LANCL2: variants seen among roughly 807,000 people sequenced by gnomAD.
LANCL2 encodes lanC-like protein 2.
In LANCL2, 33 loss-of-function variants were observed where a neutral mutation model predicts 56.9. That is an observed-to-expected ratio of 0.58 (90% CI 0.44 to 0.78). The LOEUF is 0.78. LANCL2 is among the 30% of genes least tolerant of loss of function. The pLI is 0.00. For synonymous variants in LANCL2, 233 were observed against 228.2 expected, an observed-to-expected ratio of 1.02 and a Z score of -0.19; for missense variants, 562 against 580.2, an observed-to-expected ratio of 0.97 and a Z score of 0.32.
chr7:55,423,836 C>T (rs1294526864), intron 6 of LANCL2, among the ~76,000 whole-genome samples: 1 of 152,246 alleles, frequency 6.6e-6, no homozygotes, highest in Non-Finnish European at 1.5e-5. Context: ...GAGCCCACAT[C>T]TTAGCAGCCT....
intron 1 of LANCL2, among the ~76,000 whole-genome samples, chr7:55,367,845 C>T (rs1489842257): frequency 6.6e-6 from 1 of 152,152 alleles, no homozygotes; most frequent in Non-Finnish European, 1.5e-5. Context: ...AGAAAGGCCT[C>T]AATAAATGTT....
rs1290960949 is a variant in LANCL2, at chr7:55,377,727, G to A, written c.204+11498G>A. ...TTGGGCATTCTTGTTTGGGAAAATT[G>A]CCTACTCACCATGTAGGAAAAGAAC... On this transcript the variant is annotated intron_variant, in intron 1 of 8. Transcript: ENST00000254770. Among the ~76,000 whole-genome samples the A allele has an allele frequency of 2.0e-5, 3 of 152,142 alleles. No individual in the cohort carries two copies. The East Asian group carries it at 5.8e-4, about 29-fold the overall frequency.
intron 6 of LANCL2, among the ~76,000 whole-genome samples, chr7:55,416,312 G>C (rs1034098490): frequency 1.3e-5 from 2 of 151,794 alleles, no homozygotes; most frequent in East Asian, 3.9e-4. Context: ...TTTGAGACAG[G>C]GTCTTGCACT....
At chr7:55,412,202 A>G in intron 6 of LANCL2, 113 bp downstream of exon 6, 1 of 943,548 alleles carries the variant, frequency 1.1e-6, no homozygotes, top group Non-Finnish European at 1.6e-6. Context: ...AACCTTTTAG[A>G]ATGATTGTTT....
intron 5 of LANCL2, among the ~76,000 whole-genome samples, chr7:55,402,291 C>T (rs1242329971): frequency 0.013 from 660 of 50,744 alleles, 22 homozygotes; most frequent in African/African-American, 0.062. Flanking sequence ...GCTGGCCGGG[C>T]GGGGGGCTGA....
intron 7 of LANCL2, among the ~76,000 whole-genome samples, 195 bp downstream of exon 7, chr7:55,425,625 A>G (rs1790656341): frequency 6.6e-6 from 1 of 152,168 alleles, no homozygotes; most frequent in Non-Finnish European, 1.5e-5. Flanking sequence ...GGAGAGGACA[A>G]ATGTCAATGG....
chr7:55,423,661 C>T (rs1442835750), intron 6 of LANCL2, among the ~76,000 whole-genome samples: 4 of 152,228 alleles, frequency 2.6e-5, no homozygotes, highest in Admixed American at 6.5e-5. Flanking sequence ...GTTCCAGGAG[C>T]TCCATGGATG....
chr7:55,429,877 G>C (rs1403538142), intron 8 of LANCL2, among the ~76,000 whole-genome samples: 2 of 152,252 alleles, frequency 1.3e-5, no homozygotes, highest in African/African-American at 4.8e-5. Context: ...AACTGTGGGG[G>C]ACTCTCACCA....
At chr7:55,426,694 A>AG (rs1235923074) in intron 7 of LANCL2, among the ~76,000 whole-genome samples, 11 of 152,200 alleles carry the variant, frequency 7.2e-5, no homozygotes, top group African/African-American at 1.9e-4. Context: ...AATTAAGCAA[A>AG]GGGGGATGAG....
At chr7:55,372,938 A>G (rs988981767) in intron 1 of LANCL2, among the ~76,000 whole-genome samples, 10 of 152,210 alleles carry the variant, frequency 6.6e-5, no homozygotes, top group African/African-American at 2.2e-4. Context: ...CTGAAAGGGC[A>G]TGGAACTCCT....
intron 5 of LANCL2, among the ~76,000 whole-genome samples, 195 bp downstream of exon 5, chr7:55,401,515 CTTTT>C (rs58005456): frequency 1.1e-3 from 63 of 58,034 alleles, no homozygotes; most frequent in Middle Eastern, 0.012. Flanking sequence ...GGTATGGAGT[CTTTT>C]TTTTTTTTTT....
At chr7:55,384,483 C>T (rs141110001) in intron 1 of LANCL2, among the ~76,000 whole-genome samples, 1,824 of 152,008 alleles carry the variant, frequency 0.012, 38 homozygotes, top group African/African-American at 0.04. Context: ...ACCTGGGAGG[C>T]GGAGCTTGCA....
chr7:55,402,556 A>C (rs2128994006), intron 5 of LANCL2, among the ~76,000 whole-genome samples: 4 of 114,352 alleles, frequency 3.5e-5, no homozygotes, highest in Admixed American at 8.6e-5. Flanking sequence ...CGGGGGGCTG[A>C]CCCCCCCACA....
At chr7:55,424,762 C>A (rs912706203) in intron 6 of LANCL2, among the ~76,000 whole-genome samples, 2 of 152,202 alleles carry the variant, frequency 1.3e-5, no homozygotes, top group Admixed American at 6.5e-5. Context: ...TGAGCAGCAG[C>A]GAGCAAGCGA....
intron 5 of LANCL2, among the ~76,000 whole-genome samples, chr7:55,403,319 T>C (rs910101529): frequency 1.3e-5 from 2 of 152,080 alleles, no homozygotes; most frequent in African/African-American, 4.8e-5. Context: ...GGCGCGCGCC[T>C]GCAATCGCAG....
chr7:55,392,017 G>C lies in LANCL2; in HGVS notation c.322+107G>C, dbSNP rs1182514581. ...TTTAAAATGGTAAAGATTTGGCCAGGCACGGTGGCTGACGCCTGTAATCCC... is the reference window on the plus strand; with the variant it reads ...TTTAAAATGGTAAAGATTTGGCCAGCCACGGTGGCTGACGCCTGTAATCCC... On this transcript the variant is annotated intron_variant, in intron 2 of 8. Transcript: ENST00000254770. 3 of 666,102 alleles carry C rather than the reference G, an allele frequency of 4.5e-6. No individual in the cohort carries two copies. The African/African-American group carries it at 5.4e-5, about 12-fold the overall frequency. The allele number at this position is 666,102 out of a possible 1,614,324, so 41.3% of individuals were successfully genotyped here.
chr7:55,409,066 A>G (rs1307915660), intron 5 of LANCL2, among the ~76,000 whole-genome samples: 1 of 151,694 alleles, frequency 6.6e-6, no homozygotes, highest in Non-Finnish European at 1.5e-5. Context: ...CATTGAAGCT[A>G]AAAGATAAAT....
At chr7:55,430,045 G>C (rs1164959086) in intron 8 of LANCL2, among the ~76,000 whole-genome samples, 2 of 152,244 alleles carry the variant, frequency 1.3e-5, no homozygotes, top group Non-Finnish European at 2.9e-5. Flanking sequence ...CCGCCCAGTG[G>C]ATCCGCTGCC....
chr7:55,373,409 G>C (rs912104093), intron 1 of LANCL2, among the ~76,000 whole-genome samples: 1 of 151,918 alleles, frequency 6.6e-6, no homozygotes, highest in African/African-American at 2.4e-5. Context: ...TCCCACCTCA[G>C]CCTCCCAAGT....
Sources: allele counts gnomAD v4.1 joint callset (sites outside exome capture counted in the v4.1 genomes callset), GRCh38; gene constraint gnomAD v4.1.1; transcripts MANE v1.5; gene names NCBI Gene and HGNC (gene_info 2026-07-23, HGNC 2026-07-21).